LINGO2: variants seen among roughly 807,000 people sequenced by gnomAD.
LINGO2 encodes leucine rich repeat and Ig domain containing 2.
In LINGO2, 14 loss-of-function variants were observed where a neutral mutation model predicts 30.6. The observed-to-expected ratio is 0.46, with a 90% CI of 0.30 to 0.72. The LOEUF (loss-of-function observed/expected upper bound fraction) is 0.72. LINGO2 is among the 30% of genes least tolerant of loss of function. LINGO2 has a pLI of 0.07. For synonymous variants in LINGO2, 317 were observed against 288.5 expected (o/e 1.10, Z -1.00); for missense variants, 729 against 751.7 (o/e 0.97, Z 0.35).
intron 4 of LINGO2, among the ~76,000 whole-genome samples, chr9:28,184,549 G>C (rs1184601336): frequency 1.3e-5 from 2 of 150,066 alleles, no homozygotes; most frequent in Non-Finnish European, 3.0e-5. Context: ...GAGAGAAAAA[G>C]AAAGATGTAA....
At chr9:28,395,763 A>G (rs762164899) in intron 2 of LINGO2, among the ~76,000 whole-genome samples, 79 of 152,356 alleles carry the variant, frequency 5.2e-4, no homozygotes, top group Non-Finnish European at 1.0e-3. Context: ...ATAAGTTTTT[A>G]TAATTACAGT....
At position 28,020,432 on chromosome 9, in the gene LINGO2, G is replaced by A. The variant is rs79256394; in HGVS notation, c.-86-8027C>T. 6.6e-3 allele frequency among the ~76,000 whole-genome samples: 1,003 copies of A among 152,242 alleles called. 6 individuals carry two copies. The highest frequency in any genetic ancestry group is 0.023 in the African/African-American group (942 of 41,526). On this transcript the variant is annotated intron_variant, in intron 4 of 5. Coordinates refer to ENST00000379992, the Ensembl canonical transcript of LINGO2. ...TCATCCCAGCTACTCAGGAGGCTGA[G>A]ACATGCGAATCACTTTAACCTGGGT...
chr9:28,782,890 C>A, the LINGO2 span, among the ~76,000 whole-genome samples: 1 of 152,166 alleles, frequency 6.6e-6, no homozygotes, highest in Non-Finnish European at 1.5e-5. Context: ...GATGGCGCAG[C>A]CCCACTATAC....
the LINGO2 span, among the ~76,000 whole-genome samples, chr9:28,693,810 T>A: frequency 1.3e-5 from 2 of 152,236 alleles, no homozygotes; most frequent in East Asian, 3.9e-4. Context: ...TTCATTATAC[T>A]TTTTATAGGT....
chr9:28,198,319 T>A (rs1300103621), intron 4 of LINGO2, among the ~76,000 whole-genome samples: 1 of 152,062 alleles, frequency 6.6e-6, no homozygotes, highest in African/African-American at 2.4e-5. Flanking sequence ...TAGTATTCTG[T>A]ATAAATGTGC....
At chr9:28,959,791 T>A in the LINGO2 span, among the ~76,000 whole-genome samples, 1 of 152,154 alleles carries the variant, frequency 6.6e-6, no homozygotes, top group African/African-American at 2.4e-5. Flanking sequence ...AAAGTATAAA[T>A]GTCATCTAGA....
At chr9:28,904,891 C>G in the LINGO2 span, among the ~76,000 whole-genome samples, 1 of 151,870 alleles carries the variant, frequency 6.6e-6, no homozygotes, top group Non-Finnish European at 1.5e-5. Flanking sequence ...AGCATCTTAA[C>G]CAGAAGGAAT....
At chr9:28,161,242 G>A (rs956655755) in intron 4 of LINGO2, among the ~76,000 whole-genome samples, 6 of 152,116 alleles carry the variant, frequency 3.9e-5, no homozygotes, top group African/African-American at 1.4e-4. Flanking sequence ...TTGGGTCCTA[G>A]GCCTCTAGGA....
At chr9:28,282,293 A>G (rs1313538020) in intron 4 of LINGO2, among the ~76,000 whole-genome samples, 1 of 152,136 alleles carries the variant, frequency 6.6e-6, no homozygotes, top group Non-Finnish European at 1.5e-5. Context: ...TGATACAATG[A>G]TAAGTGAGGG....
At chr9:29,015,101 T>C in the LINGO2 span, among the ~76,000 whole-genome samples, 2 of 152,202 alleles carry the variant, frequency 1.3e-5, no homozygotes, top group East Asian at 3.9e-4. Context: ...TTAATAATTC[T>C]TGAAAGACGG....
chr9:27,960,362 G>A (rs1435961032), intron 5 of LINGO2, among the ~76,000 whole-genome samples: 10 of 152,232 alleles, frequency 6.6e-5, no homozygotes, highest in Middle Eastern at 3.4e-3. Flanking sequence ...GGCAACAGAG[G>A]TGAACTGATA....
the LINGO2 span, among the ~76,000 whole-genome samples, chr9:29,018,483 T>C: frequency 2.0e-5 from 3 of 152,108 alleles, no homozygotes; most frequent in Admixed American, 1.3e-4. Flanking sequence ...AAAATAATTA[T>C]AGAATATTAT....
At chr9:29,093,424 T>C in the LINGO2 span, among the ~76,000 whole-genome samples, 3 of 134,098 alleles carry the variant, frequency 2.2e-5, no homozygotes, top group Admixed American at 7.8e-5. Flanking sequence ...ACAAGATATA[T>C]ATAACATTTG....
chr9:28,816,230 A>G, the LINGO2 span, among the ~76,000 whole-genome samples: 5 of 152,220 alleles, frequency 3.3e-5, no homozygotes, highest in East Asian at 9.6e-4. Context: ...AGATTAAGTT[A>G]CCAACACATG....
chr9:28,427,633 G>A (rs1363457396), intron 2 of LINGO2, among the ~76,000 whole-genome samples: 1 of 152,038 alleles, frequency 6.6e-6, no homozygotes, highest in African/African-American at 2.4e-5. Context: ...ATCTAAACTT[G>A]TCTCTTCATC....
intron 4 of LINGO2, among the ~76,000 whole-genome samples, chr9:28,046,253 AGAG>A (rs1319223130): frequency 1.9e-4 from 29 of 152,138 alleles, no homozygotes; most frequent in Non-Finnish European, 3.4e-4. Context: ...GACAAGAAGA[AGAG>A]TTTAACAGTT....
chr9:28,235,902 A>G (rs998570285), intron 4 of LINGO2, among the ~76,000 whole-genome samples: 1 of 152,214 alleles, frequency 6.6e-6, no homozygotes, highest in Non-Finnish European at 1.5e-5. Context: ...AGATAGAGGT[A>G]GAGAGTTTAT....
intron 1 of LINGO2, among the ~76,000 whole-genome samples, chr9:28,610,256 G>A (rs1007686399): frequency 2.0e-5 from 3 of 152,120 alleles, no homozygotes; most frequent in Admixed American, 6.6e-5. Flanking sequence ...GAATAGACAA[G>A]AGTAAATGAA....
chr9:28,750,836 C>G, the LINGO2 span, among the ~76,000 whole-genome samples: 1 of 151,974 alleles, frequency 6.6e-6, no homozygotes, highest in Non-Finnish European at 1.5e-5. Flanking sequence ...TGCCACGGAC[C>G]TTTTGAGCTC....
Sources: allele counts gnomAD v4.1 joint callset (sites outside exome capture counted in the v4.1 genomes callset), GRCh38; gene constraint gnomAD v4.1.1; transcripts MANE v1.5; gene names NCBI Gene and HGNC (gene_info 2026-07-23, HGNC 2026-07-21).